AMBRA1: variants seen among roughly 807,000 people sequenced by gnomAD.
AMBRA1 encodes the protein activating molecule in BECN1-regulated autophagy protein 1.
Under a neutral mutation model 125.4 loss-of-function variants are expected in AMBRA1, and 47 were observed. The observed-to-expected ratio is 0.37, with a 90% CI of 0.30 to 0.48. AMBRA1 has a LOEUF of 0.48. AMBRA1 is among the 20% of genes least tolerant of loss of function. The pLI, the probability that AMBRA1 is intolerant of heterozygous loss-of-function variation, is 0.99. For missense variants in AMBRA1, 1,331 were observed against 1,693.4 expected (o/e 0.79, Z 3.76); for synonymous variants, 626 against 655.5 (o/e 0.95, Z 0.69).
At chr11:46,499,188 T>C (rs1047365128) in intron 9 of AMBRA1, among the ~76,000 whole-genome samples, 1 of 152,232 alleles carries the variant, frequency 6.6e-6, no homozygotes, top group African/African-American at 2.4e-5. Context: ...TGTTACCTTT[T>C]AATTTCATCT....
intron 17 of AMBRA1, among the ~76,000 whole-genome samples, chr11:46,407,975 T>C (rs1454265571): frequency 2.0e-5 from 3 of 152,124 alleles, no homozygotes. Flanking sequence ...AGTGTGAGGC[T>C]GGCACAGAGA....
At chr11:46,431,036 G>C (rs902091117) in intron 14 of AMBRA1, among the ~76,000 whole-genome samples, 54 of 152,188 alleles carry the variant, frequency 3.5e-4, no homozygotes, top group African/African-American at 1.0e-3. Flanking sequence ...ACTGAATTCA[G>C]GGACATTTGC....
chr11:46,584,377 G>C (rs1190322186), intron 1 of AMBRA1, among the ~76,000 whole-genome samples: 1 of 103,806 alleles, frequency 9.6e-6, no homozygotes, highest in Admixed American at 1.2e-4. Context: ...CTGTTGTGGG[G>C]TGGGGGGAGG....
Position 46,550,678 on chromosome 11 carries a change from T to C in AMBRA1, c.-120-2178A>G, listed in dbSNP as rs1387727378. On this transcript the variant is annotated intron_variant, in intron 1 of 17. Transcript: ENST00000683756. Reference sequence around the variant, plus strand: ...TCCCTTAAAAATTGGTGCAGAGTAGTTACTACTTCTGTCTTATTGCTTACA... The same window carrying C: ...TCCCTTAAAAATTGGTGCAGAGTAGCTACTACTTCTGTCTTATTGCTTACA... 2.0e-5 allele frequency among the ~76,000 whole-genome samples: 3 copies of C among 152,216 alleles called. No individual in the cohort carries two copies. The East Asian group carries it at 5.8e-4, about 29-fold the overall frequency.
intron 1 of AMBRA1, among the ~76,000 whole-genome samples, chr11:46,553,473 G>A (rs1242043995): frequency 6.6e-6 from 1 of 152,046 alleles, no homozygotes; most frequent in African/African-American, 2.4e-5. Flanking sequence ...TTGGCCAGGT[G>A]CAGTGGCTCA....
chr11:46,531,454 A>G (rs562965754), intron 7 of AMBRA1, among the ~76,000 whole-genome samples: 1 of 152,198 alleles, frequency 6.6e-6, no homozygotes, highest in South Asian at 2.1e-4. Flanking sequence ...TCACGCCTGT[A>G]ATCCCAGCAC....
chr11:46,467,976 C>T (rs1309825682), intron 11 of AMBRA1, among the ~76,000 whole-genome samples: 1 of 152,112 alleles, frequency 6.6e-6, no homozygotes. Context: ...GAAACTGCTA[C>T]GAAAGCATAA....
At chr11:46,412,930 T>C (rs1946365599) in intron 15 of AMBRA1, among the ~76,000 whole-genome samples, 1 of 152,216 alleles carries the variant, frequency 6.6e-6, no homozygotes, top group Non-Finnish European at 1.5e-5. Context: ...ATTTACAAAC[T>C]TGTCAAGATG....
chr11:46,588,775 CAA>C (rs201030293), intron 1 of AMBRA1, among the ~76,000 whole-genome samples: 281 of 97,908 alleles, frequency 2.9e-3, no homozygotes, highest in Middle Eastern at 0.019. Flanking sequence ...AACTCCATCT[CAA>C]AAAAAAAAAA....
chr11:46,555,534 A>C (rs2043135414), intron 1 of AMBRA1, among the ~76,000 whole-genome samples: 1 of 152,206 alleles, frequency 6.6e-6, no homozygotes, highest in Non-Finnish European at 1.5e-5. Context: ...TCTGAGGTTC[A>C]CTATGGTTTC....
At chr11:46,485,546 A>G (rs1256759636) in intron 11 of AMBRA1, among the ~76,000 whole-genome samples, 1 of 152,096 alleles carries the variant, frequency 6.6e-6, no homozygotes, top group Non-Finnish European at 1.5e-5. Flanking sequence ...ATATTGGGCT[A>G]CTCCCTGGCT....
chr11:46,429,336 C>T (rs949716837), intron 14 of AMBRA1, among the ~76,000 whole-genome samples: 5 of 152,214 alleles, frequency 3.3e-5, no homozygotes, highest in South Asian at 2.1e-4. Context: ...GCTAAGGTGG[C>T]AGGATAGCCC....
At chr11:46,497,245 CAG>C (rs1321722365) in intron 9 of AMBRA1, among the ~76,000 whole-genome samples, 3 of 152,026 alleles carry the variant, frequency 2.0e-5, no homozygotes, top group Non-Finnish European at 4.4e-5. Flanking sequence ...AAAATATGGT[CAG>C]AGATAATGGC....
intron 1 of AMBRA1, among the ~76,000 whole-genome samples, chr11:46,556,653 GTATATGA>G (rs924957794): frequency 2.9e-4 from 44 of 152,060 alleles, no homozygotes; most frequent in African/African-American, 1.0e-3. Flanking sequence ...CCTTTTCCTG[GTATATGA>G]TGGTATCTTG....
At chr11:46,576,716 C>T (rs1277045422) in intron 1 of AMBRA1, among the ~76,000 whole-genome samples, 1 of 152,168 alleles carries the variant, frequency 6.6e-6, no homozygotes, top group African/African-American at 2.4e-5. Context: ...CTTAACACCA[C>T]CTGAACAATA....
At chr11:46,577,292 A>G (rs1051453081) in intron 1 of AMBRA1, among the ~76,000 whole-genome samples, 10 of 152,264 alleles carry the variant, frequency 6.6e-5, no homozygotes, top group African/African-American at 1.9e-4. Flanking sequence ...GGTATGAAGT[A>G]CTGATAAATA....
At chr11:46,493,035 C>T (rs571115273) in intron 11 of AMBRA1, among the ~76,000 whole-genome samples, 49 of 152,238 alleles carry the variant, frequency 3.2e-4, no homozygotes, top group Non-Finnish European at 5.3e-4. Flanking sequence ...GGTGACAGGG[C>T]GAGACTCTGT....
chr11:46,540,876 CCACAGTGCCTAG>C (rs1289384544), intron 7 of AMBRA1, among the ~76,000 whole-genome samples: 1 of 152,086 alleles, frequency 6.6e-6, no homozygotes, highest in Non-Finnish European at 1.5e-5. Flanking sequence ...TTTGTATTTC[CCACAGTGCCTAG>C]CACAGTGTTA....
At chr11:46,413,056 G>A (rs1815090737) in intron 15 of AMBRA1, among the ~76,000 whole-genome samples, 1 of 152,232 alleles carries the variant, frequency 6.6e-6, no homozygotes. Flanking sequence ...AACAAACCAT[G>A]TACTTCCTGA....
Sources: allele counts gnomAD v4.1 joint callset (sites outside exome capture counted in the v4.1 genomes callset), GRCh38; gene constraint gnomAD v4.1.1; transcripts MANE v1.5; gene names NCBI Gene and HGNC (gene_info 2026-07-23, HGNC 2026-07-21).